SEMA6D: variants seen among roughly 807,000 people sequenced by gnomAD.
SEMA6D encodes semaphorin-6D.
A neutral mutation model predicts 106.6 loss-of-function variants in SEMA6D; 35 were observed. That is an observed-to-expected ratio of 0.33 (90% CI 0.25 to 0.44). SEMA6D has a LOEUF of 0.44. Ranked by LOEUF, SEMA6D falls within the 20% of genes least tolerant of loss-of-function variation. The pLI is 1.00. For synonymous variants in SEMA6D, 499 were observed against 487.7 expected, an observed-to-expected ratio of 1.02 and a Z score of -0.31; for missense variants, 1,185 against 1,345.9, an observed-to-expected ratio of 0.88 and a Z score of 1.87.
At chr15:47,408,529 G>A (rs940078351) in intron 1 of SEMA6D, among the ~76,000 whole-genome samples, 4 of 152,296 alleles carry the variant, frequency 2.6e-5, no homozygotes, top group African/African-American at 7.2e-5. Flanking sequence ...AGTAAAGGCT[G>A]AAAATTCTTC....
intron 4 of SEMA6D, among the ~76,000 whole-genome samples, chr15:47,635,095 C>T (rs535386724): frequency 5.3e-5 from 8 of 152,128 alleles, no homozygotes; most frequent in Non-Finnish European, 1.0e-4. Flanking sequence ...GAGAACTCCC[C>T]ACCTTGTCAC....
At chr15:47,608,497 T>A (rs1411298492) in intron 4 of SEMA6D, among the ~76,000 whole-genome samples, 1 of 152,218 alleles carries the variant, frequency 6.6e-6, no homozygotes, top group Non-Finnish European at 1.5e-5. Context: ...AGTTACCAAC[T>A]GTTATCTGGT....
At chr15:47,191,159 G>C (rs540128153) in intron 1 of SEMA6D, among the ~76,000 whole-genome samples, 1 of 146,266 alleles carries the variant, frequency 6.8e-6, no homozygotes, top group East Asian at 2.1e-4. Context: ...GAGCAACAGA[G>C]TGATACCCTG....
chr15:47,435,080 A>G (rs990524503), intron 2 of SEMA6D, among the ~76,000 whole-genome samples: 1 of 152,196 alleles, frequency 6.6e-6, no homozygotes, highest in Non-Finnish European at 1.5e-5. Context: ...TGGAAACATC[A>G]CATTGGATTC....
intron 1 of SEMA6D, among the ~76,000 whole-genome samples, chr15:47,277,603 A>ATTATTC (rs1555414592): frequency 6.1e-4 from 2 of 3,270 alleles, no homozygotes; most frequent in Non-Finnish European, 4.7e-3. Flanking sequence ...TATTATTATT[A>ATTATTC]TTATTATTAT....
intron 1 of SEMA6D, among the ~76,000 whole-genome samples, chr15:47,187,291 T>G (rs997094973): frequency 7.9e-5 from 12 of 152,362 alleles, no homozygotes; most frequent in African/African-American, 2.6e-4. Context: ...AAATGCTAGC[T>G]GCTTCTAAAT....
At chr15:47,676,882 A>C (rs2078256704) in intron 4 of SEMA6D, among the ~76,000 whole-genome samples, 1 of 150,776 alleles carries the variant, frequency 6.6e-6, no homozygotes, top group Non-Finnish European at 1.5e-5. Flanking sequence ...GCAGTCTCCA[A>C]CCTTTTTGGC....
intron 1 of SEMA6D, among the ~76,000 whole-genome samples, chr15:47,277,987 C>T (rs1050072610): frequency 1.6e-4 from 24 of 151,896 alleles, no homozygotes; most frequent in Non-Finnish European, 7.4e-5. Context: ...GTATATGTAC[C>T]ACATTTTCTT....
At chr15:47,663,920 C>T (rs965156315) in intron 4 of SEMA6D, among the ~76,000 whole-genome samples, 2 of 152,118 alleles carry the variant, frequency 1.3e-5, no homozygotes, top group African/African-American at 2.4e-5. Context: ...CTACTAGGAG[C>T]GCTTGTGGGA....
chr15:47,499,768 A>G (rs902688973), intron 3 of SEMA6D, among the ~76,000 whole-genome samples: 18 of 152,116 alleles, frequency 1.2e-4, no homozygotes, highest in African/African-American at 4.3e-4. Flanking sequence ...GCAGTTCTAA[A>G]GCTTTTGCAG....
chr15:47,329,420 G>C (rs2037256312), intron 1 of SEMA6D, among the ~76,000 whole-genome samples: 1 of 152,172 alleles, frequency 6.6e-6, no homozygotes, highest in Admixed American at 6.5e-5. Context: ...ATAATAGACA[G>C]ATATTTAGAG....
At chr15:47,491,332 A>G (rs2043468501) in intron 3 of SEMA6D, among the ~76,000 whole-genome samples, 1 of 152,206 alleles carries the variant, frequency 6.6e-6, no homozygotes, top group Admixed American at 6.5e-5. Context: ...ATGATAACAC[A>G]TAAACTAGTA....
At position 47,686,401 on chromosome 15, in the gene SEMA6D, C is replaced by T. The variant is rs528214776; in HGVS notation, c.-54-73344C>T. Among the ~76,000 whole-genome samples, 21 of 152,296 alleles carry T rather than the reference C, an allele frequency of 1.4e-4. No homozygotes were observed. In the South Asian group the frequency reaches 3.1e-3, roughly 23 times the overall value. On this transcript the variant is annotated intron_variant, in intron 4 of 19. Coordinates refer to the SEMA6D transcript ENST00000558014. ...CCTATCTAACCAACTTCAATTTTGACGAACTTCAAAAAATGTTCAAAGGAA... is the reference window on the plus strand; with the variant it reads ...CCTATCTAACCAACTTCAATTTTGATGAACTTCAAAAAATGTTCAAAGGAA...
intron 1 of SEMA6D, among the ~76,000 whole-genome samples, chr15:47,267,082 G>A (rs887525005): frequency 6.6e-6 from 1 of 152,040 alleles, no homozygotes; most frequent in East Asian, 1.9e-4. Context: ...TTTGCTTTAC[G>A]CCTTGGTTGC....
chr15:47,737,889 T>C (rs2080540940), intron 1 of SEMA6D, among the ~76,000 whole-genome samples: 1 of 152,222 alleles, frequency 6.6e-6, no homozygotes, highest in African/African-American at 2.4e-5. Flanking sequence ...TGTACTAATT[T>C]ACCCTGCCAT....
At chr15:47,199,595 G>A (rs1337534463) in intron 1 of SEMA6D, among the ~76,000 whole-genome samples, 1 of 152,104 alleles carries the variant, frequency 6.6e-6, no homozygotes, top group Non-Finnish European at 1.5e-5. Flanking sequence ...AAAAAATGAT[G>A]TAGTCCCATT....
At chr15:47,211,144 G>A (rs1375821090) in intron 1 of SEMA6D, among the ~76,000 whole-genome samples, 1 of 151,970 alleles carries the variant, frequency 6.6e-6, no homozygotes, top group Non-Finnish European at 1.5e-5. Context: ...AATAATGATT[G>A]CCATCATCTA....
chr15:47,730,199 G>T, intron 1 of SEMA6D: 1 of 1,545,710 alleles, frequency 6.5e-7, no homozygotes, highest in Non-Finnish European at 8.8e-7. Flanking sequence ...GGCGATGCGA[G>T]CCACAGACTT....
At chr15:47,245,101 T>C (rs1007328968) in intron 1 of SEMA6D, among the ~76,000 whole-genome samples, 2 of 152,020 alleles carry the variant, frequency 1.3e-5, no homozygotes, top group African/African-American at 4.8e-5. Flanking sequence ...CAATCCAACA[T>C]TGATGGGCAC....
Sources: allele counts gnomAD v4.1 joint callset (sites outside exome capture counted in the v4.1 genomes callset), GRCh38; gene constraint gnomAD v4.1.1; transcripts MANE v1.5; gene names NCBI Gene and HGNC (gene_info 2026-07-23, HGNC 2026-07-21).